UBE2Z: variants seen among roughly 807,000 people sequenced by gnomAD.
UBE2Z encodes the protein ubiquitin-conjugating enzyme E2 Z.
In UBE2Z, 10 loss-of-function variants were observed where a neutral mutation model predicts 32.6. The observed-to-expected ratio is 0.31, with a 90% CI of 0.19 to 0.52. UBE2Z has a LOEUF of 0.52. UBE2Z is among the 20% of genes least tolerant of loss of function. The pLI is 0.97. For missense variants in UBE2Z, 343 were observed against 480.9 expected (o/e 0.71, Z 2.68); for synonymous variants, 183 against 190.8 (o/e 0.96, Z 0.34).
At chr17:48,919,028 T>A (rs1227788403) in intron 4 of UBE2Z, among the ~76,000 whole-genome samples, 2 of 152,176 alleles carry the variant, frequency 1.3e-5, no homozygotes, top group African/African-American at 4.8e-5. Flanking sequence ...ATTACAGGTG[T>A]GAGCCACCAT....
chr17:48,914,753 G>C (rs1382040772), intron 3 of UBE2Z, among the ~76,000 whole-genome samples: 2 of 152,154 alleles, frequency 1.3e-5, no homozygotes, highest in Non-Finnish European at 2.9e-5. Context: ...AGCCGGGTGC[G>C]GTGGCTCACA....
Position 48,916,195 on chromosome 17 carries a change from C to T in UBE2Z, c.690+8C>T, listed in dbSNP as rs2040717855. 2 of 1,519,614 alleles carry T rather than the reference C, an allele frequency of 1.3e-6. No homozygotes were observed. Among genetic ancestry groups the T allele is most frequent in the Admixed American group, 2.3e-5 (1 of 43,418 alleles). The allele number at this position is 1,519,614 out of a possible 1,614,324, so 94.1% of individuals were successfully genotyped here. A position where few individuals can be genotyped will look rare whatever the true frequency, so the allele number is the denominator to read the frequency against. On this transcript the variant is annotated splice_region_variant and intron_variant, in intron 4 of 6. Coordinates refer to ENST00000360943, the MANE Select transcript of UBE2Z (RefSeq NM_023079.5). ...GAGCCCGGCTTTGAACAGGTAAGGC[C>T]AGATGGGCCTGGCTCTGGGGTGTAG...
At chr17:48,919,207 AC>A (rs1003456507) in intron 4 of UBE2Z, among the ~76,000 whole-genome samples, 24 of 149,574 alleles carry the variant, frequency 1.6e-4, no homozygotes, top group African/African-American at 5.0e-4. Flanking sequence ...GCTGGTCTCC[AC>A]CTCCTGACCT....
chr17:48,910,035 T>C (rs1195270184), intron 1 of UBE2Z, among the ~76,000 whole-genome samples: 2 of 152,160 alleles, frequency 1.3e-5, no homozygotes, highest in African/African-American at 4.8e-5. Flanking sequence ...GCCAATGCTT[T>C]CCTCTGCTTT....
intron 1 of UBE2Z, 142 bp from the exon 2 acceptor site, chr17:48,910,666 G>C: frequency 1.5e-6 from 1 of 684,752 alleles, no homozygotes; most frequent in Non-Finnish European, 2.7e-6. Flanking sequence ...CAGCCAACAA[G>C]ACAGTACAAA....
rs2040816982 is a variant in UBE2Z at position 48,928,987 on chromosome 17, T to A, written c.*1853T>A. The A allele has an allele frequency of 6.6e-6, 1 of 152,604 alleles. No individual in the cohort carries two copies. Among genetic ancestry groups the A allele is most frequent in the East Asian group, 1.9e-4 (1 of 5,182 alleles). 9.5% of individuals were successfully genotyped at this position (152,604 alleles called of 1,614,324 possible). A position where few individuals can be genotyped will look rare whatever the true frequency, so the allele number is the denominator to read the frequency against. The stretch of plus-strand genomic sequence containing the variant: ...TCAAAGAGATGTCTTTATATCTGAC[T>A]GTATATAAATGAAGTTTTTTTGTTT... On this transcript the variant is annotated 3_prime_UTR_variant, in exon 7 of 7. Coordinates refer to ENST00000360943, the MANE Select transcript of UBE2Z (RefSeq NM_023079.5).
chr17:48,912,670 T>C (rs779447145), intron 2 of UBE2Z, 164 bp from the exon 3 acceptor site: 13 of 687,698 alleles, frequency 1.9e-5, no homozygotes, highest in Non-Finnish European at 3.0e-5. Context: ...ACCTACGTAT[T>C]AGTATGAGTG....
chr17:48,912,885 T>C lies in UBE2Z; in HGVS notation c.442T>C (p.Phe148Leu), dbSNP rs747489361. The change falls in exon 3 of 7, where the codon TTC becomes CTC. Residue 148 changes from phenylalanine (F) to leucine (L), a missense_variant. Phe to Leu is a conservative substitution (Grantham distance 22). Coordinates refer to ENST00000360943, the MANE Select transcript of UBE2Z (RefSeq NM_023079.5). ...TGACACTCCTTATGAAGGGGGTTTCTTCCTGTTCGTGTTTCGGTGTCCGCC... is the reference window on the plus strand; with the variant it reads ...TGACACTCCTTATGAAGGGGGTTTCCTCCTGTTCGTGTTTCGGTGTCCGCC... ...PFDTPYEGGF[F>L]LFVFRCPPDY... is the part of the protein sequence containing the mutation. The C allele has an allele frequency of 6.2e-7, 1 of 1,613,880 alleles. No homozygotes were observed.
chr17:48,909,372 G>T (rs1353520681), intron 1 of UBE2Z, among the ~76,000 whole-genome samples: 1 of 151,776 alleles, frequency 6.6e-6, no homozygotes, highest in Admixed American at 6.6e-5. Context: ...TCTTTTCCCA[G>T]GTCTAGATCG....
rs1435066375 is a variant in UBE2Z at position 48,918,298 on chromosome 17, C to T, written c.690+2111C>T. ...CAACTTTGATTCTTCCTCTATAGAC[C>T]TGAACAAAGGATAATAAAATGCCTT... On this transcript the variant is annotated intron_variant, in intron 4 of 6. Coordinates refer to ENST00000360943, the MANE Select transcript of UBE2Z (RefSeq NM_023079.5). Among the ~76,000 whole-genome samples, 3 of 151,960 alleles carry T rather than the reference C, an allele frequency of 2.0e-5. No individual in the cohort carries two copies. The East Asian group carries it at 5.8e-4, about 29-fold the overall frequency.
chr17:48,908,553 C>T lies in UBE2Z; in HGVS notation c.50C>T (p.Ala17Val), dbSNP rs1389726717. ...GCGGCAACGGCGGGCGCCGGGGCGG[C>T]GGGCCCCGGGGCGAGCAGCGTTGCT... ...EEAATAGAGAAGPGASSVAGV... is the reference protein window; with the variant it reads ...EEAATAGAGAVGPGASSVAGV... The change falls in exon 1 of 7, where the codon GCG (alanine) becomes GTG (valine). Residue 17 changes from alanine (A) to valine (V), a missense_variant. Physicochemically the swap from Ala to Val is moderately conservative, Grantham distance 64 (BLOSUM62 0). Coordinates refer to ENST00000360943, the MANE Select transcript of UBE2Z (RefSeq NM_023079.5). 4.0e-6 allele frequency: 5 copies of T among 1,236,304 alleles called. No individual in the cohort carries two copies. The African/African-American group carries it at 4.7e-5, about 12-fold the overall frequency. The allele number at this position is 1,236,304 out of a possible 1,614,324, so 76.6% of individuals were successfully genotyped here.
intron 3 of UBE2Z, among the ~76,000 whole-genome samples, chr17:48,914,401 A>G (rs2040704455): frequency 6.6e-6 from 1 of 152,204 alleles, no homozygotes; most frequent in South Asian, 2.1e-4. Context: ...ACTTGCTCAG[A>G]CCCAGGGATA....
intron 4 of UBE2Z, among the ~76,000 whole-genome samples, chr17:48,920,661 G>T (rs1353080328): frequency 6.6e-6 from 1 of 152,040 alleles, no homozygotes; most frequent in Non-Finnish European, 1.5e-5. Flanking sequence ...TGGTGCCGCT[G>T]CACTCCAGCC....
intron 2 of UBE2Z, 26 bp downstream of exon 2, chr17:48,910,906 G>A (rs1441491290): frequency 1.2e-6 from 2 of 1,600,436 alleles, no homozygotes; most frequent in Admixed American, 1.7e-5. Flanking sequence ...GGGGTTTGGG[G>A]GGTTTTGGGA....
Position 48,927,395 on chromosome 17 carries a change from T to C in UBE2Z, c.*261T>C. 2.4e-6 allele frequency: 1 copy of C among 423,776 alleles called. No homozygotes were observed. The highest frequency in any genetic ancestry group is 4.4e-6 in the Non-Finnish European group (1 of 229,862). 26.3% of individuals were successfully genotyped at this position (423,776 alleles called of 1,614,324 possible). A position where few individuals can be genotyped will look rare whatever the true frequency, so the allele number is the denominator to read the frequency against. ...GCCAAGGTACCTTTACAGGAGCACC[T>C]AGAGCGAGGGCCTTTGGCAAAAACA... On this transcript the variant is annotated 3_prime_UTR_variant, in exon 7 of 7. Transcript: ENST00000360943.
chr17:48,917,911 C>T (rs750507888), intron 4 of UBE2Z, among the ~76,000 whole-genome samples: 2 of 152,098 alleles, frequency 1.3e-5, no homozygotes, highest in East Asian at 1.9e-4. Flanking sequence ...AAAATGATTC[C>T]GGATAGGTGA....
Position 48,924,845 on chromosome 17 carries a change from CAAAAAAAAA to C in UBE2Z, c.894+1920_894+1928del, listed in dbSNP as rs5820735. On this transcript the variant is annotated intron_variant, in intron 6 of 6. Transcript: ENST00000360943. Reference sequence around the variant, plus strand: ...TGGGCAACAGAACAAGATTCTGTCTCAAAAAAAAAAAAAAAAAAAAGACAAAAATTATAG... The same window carrying C: ...TGGGCAACAGAACAAGATTCTGTCTCAAAAAAAAAAAGACAAAAATTATAG... Among the ~76,000 whole-genome samples the C allele has an allele frequency of 1.3e-3, 108 of 85,748 alleles. 1 individual carries two copies. The highest frequency in any genetic ancestry group is 4.9e-3 in the African/African-American group (106 of 21,832). The allele number at this position is 85,748 out of a possible 152,430, so 56.3% of individuals were successfully genotyped here.
intron 1 of UBE2Z, 22 bp downstream of exon 1, chr17:48,908,842 C>T: frequency 6.8e-7 from 1 of 1,471,994 alleles, no homozygotes; most frequent in South Asian, 1.3e-5. Context: ...TTTTTCCTCC[C>T]CCAGCCCCGA....
In UBE2Z at chr17:48,921,258, T is replaced by C. The variant is rs1041524693; in HGVS notation, c.789T>C (p.Cys263=). The change falls in exon 5 of 7, where the codon TGT becomes TGC. Residue 263 remains cysteine, a synonymous_variant. Coordinates refer to ENST00000360943, the MANE Select transcript of UBE2Z (RefSeq NM_023079.5). ...VCDMMEGKCP[C]PEPLRGVMEK... ...ACATGATGGAAGGAAAGTGTCCCTG[T>C]CCTGAACCCCTACGGTATGTGTCAA... The C allele has an allele frequency of 2.5e-6, 4 of 1,611,730 alleles. No homozygotes were observed. In the African/African-American group the frequency reaches 4.0e-5, roughly 16 times the overall value.
Sources: allele counts gnomAD v4.1 joint callset (sites outside exome capture counted in the v4.1 genomes callset), GRCh38; gene constraint gnomAD v4.1.1; transcripts MANE v1.5; gene names NCBI Gene and HGNC (gene_info 2026-07-23, HGNC 2026-07-21).